Variants in CELF1 observed in about 807,000 individuals in gnomAD.
CELF1 encodes CUGBP Elav-like family member 1.
A neutral mutation model predicts 61.8 loss-of-function variants in CELF1; 10 were observed. The ratio of observed to expected loss-of-function variants is 0.16; its 90% confidence interval spans 0.10 to 0.27. The LOEUF (loss-of-function observed/expected upper bound fraction) is 0.27, where lower values mean the gene tolerates loss of function less well. Among genes scored for constraint, CELF1 ranks in the 10% least tolerant of loss-of-function variants. The probability of loss-of-function intolerance (pLI) is 1.00; values close to 1 mark genes in which losing one functional copy is unlikely to be tolerated. For missense variants in CELF1, 380 were observed against 639.1 expected, an observed-to-expected ratio of 0.59 and a Z score of 4.37; for synonymous variants, 236 against 225.1, an observed-to-expected ratio of 1.05 and a Z score of -0.43.
At chr11:47,520,286 T>C (rs2095816840) in intron 1 of CELF1, among the ~76,000 whole-genome samples, 1 of 152,342 alleles carries the variant, frequency 6.6e-6, no homozygotes. Context: ...ATTTTTGTGC[T>C]ATTTCATCAC....
At chr11:47,486,660 G>T in intron 6 of CELF1, 90 bp downstream of exon 6, 1 of 1,013,844 alleles carries the variant, frequency 9.9e-7, no homozygotes, top group Non-Finnish European at 1.6e-6. Context: ...CATCTGTCTT[G>T]GCCTCCCAAA....
chr11:47,552,820 CAGG>C (rs1285772519), intron 1 of CELF1, among the ~76,000 whole-genome samples, 169 bp downstream of exon 1: 1 of 152,186 alleles, frequency 6.6e-6, no homozygotes, highest in African/African-American at 2.4e-5. Context: ...CCCCGACATG[CAGG>C]AGGAGATCGC....
intron 1 of CELF1, among the ~76,000 whole-genome samples, chr11:47,511,661 T>A (rs968207145): frequency 3.9e-5 from 6 of 152,180 alleles, no homozygotes; most frequent in South Asian, 4.1e-4. Context: ...TTTGGGTGCT[T>A]TACATTTAAT....
At chr11:47,514,129 C>T (rs997749249) in intron 1 of CELF1, 1 of 152,024 alleles carries the variant, frequency 6.6e-6, no homozygotes, top group African/African-American at 2.4e-5. Context: ...AGGGTTTCGA[C>T]ATGTTGGCCA....
chr11:47,482,971 TCTC>T (rs1263415958), intron 8 of CELF1, 115 bp from the exon 9 acceptor site: 3 of 914,090 alleles, frequency 3.3e-6, no homozygotes, highest in Non-Finnish European at 4.9e-6. Context: ...GCCAAATGAT[TCTC>T]CTCATGATAG....
chr11:47,534,190 G>C (rs951415034), intron 1 of CELF1, among the ~76,000 whole-genome samples: 2 of 150,944 alleles, frequency 1.3e-5, no homozygotes, highest in African/African-American at 4.8e-5. Context: ...CACCATGCCC[G>C]GCTAATATTT....
chr11:47,548,937 T>G (rs1426420612), intron 1 of CELF1, among the ~76,000 whole-genome samples: 1 of 150,066 alleles, frequency 6.7e-6, no homozygotes, highest in East Asian at 1.9e-4. Context: ...ATCAAAAAAC[T>G]TGATTAAAAA....
At chr11:47,562,529 C>CAAAA (rs35621873) in intron 2 of CELF1, among the ~76,000 whole-genome samples, 5 of 91,044 alleles carry the variant, frequency 5.5e-5, no homozygotes, top group Admixed American at 1.4e-4. Context: ...AACTCTATCT[C>CAAAA]AAAAAAAAAA....
At chr11:47,558,781 AT>A (rs1010383888) in intron 2 of CELF1, among the ~76,000 whole-genome samples, 18 of 115,714 alleles carry the variant, frequency 1.6e-4, no homozygotes, top group Admixed American at 9.8e-4. Flanking sequence ...TATATATAAT[AT>A]ATATATAATA....
chr11:47,506,462 A>G (rs1172267658), intron 1 of CELF1, among the ~76,000 whole-genome samples: 1 of 152,122 alleles, frequency 6.6e-6, no homozygotes, highest in Non-Finnish European at 1.5e-5. Context: ...ATGTTTTAAG[A>G]AAGTTGATAA....
intron 1 of CELF1, among the ~76,000 whole-genome samples, chr11:47,501,891 T>C (rs990404879): frequency 6.6e-5 from 10 of 152,152 alleles, no homozygotes; most frequent in African/African-American, 1.9e-4. Flanking sequence ...TTCAAGGTTA[T>C]TGTGTTTTTA....
At chr11:47,553,629 G>A (rs1012776760), upstream of CELF1, among the ~76,000 whole-genome samples, 5 of 152,288 alleles carry the variant, frequency 3.3e-5, no homozygotes, top group African/African-American at 1.2e-4. Flanking sequence ...CAGCATCCAG[G>A]CCTTCCTTCT....
At chr11:47,508,481 C>T (rs1397353325) in intron 1 of CELF1, among the ~76,000 whole-genome samples, 2 of 150,334 alleles carry the variant, frequency 1.3e-5, no homozygotes, top group Non-Finnish European at 3.0e-5. Context: ...GGACAGGTAT[C>T]TTAAGTCCTG....
At chr11:47,555,726 G>A (rs964486980), upstream of CELF1, among the ~76,000 whole-genome samples, 2 of 152,038 alleles carry the variant, frequency 1.3e-5, no homozygotes, top group African/African-American at 4.8e-5. Context: ...AGCCAATGTC[G>A]GCCAGGCGCG....
At chr11:47,552,528 T>A (rs899992302) in intron 1 of CELF1, among the ~76,000 whole-genome samples, 5 of 152,114 alleles carry the variant, frequency 3.3e-5, no homozygotes, top group African/African-American at 1.2e-4. Context: ...AGCGCTGCCT[T>A]CTAGGGGCGC....
In CELF1 at chr11:47,547,817, GA is replaced by G. The variant is rs1327091756; in HGVS notation, c.-154+5174del. ...TGATTCCAGTTACATGAAATATCTA[GA>G]ATAAGAAAATTCACAGAAACAAAGA... is the stretch of plus-strand genomic sequence containing the variant. On this transcript the variant is annotated intron_variant, in intron 1 of 14. Coordinates refer to ENST00000687097, the MANE Select transcript of CELF1 (RefSeq NM_001376376.1). Among the ~76,000 whole-genome samples, 3 of 151,866 alleles carry G rather than the reference GA, an allele frequency of 2.0e-5. No homozygotes were observed. In the East Asian group the frequency reaches 5.8e-4, roughly 29 times the overall value.
intron 10 of CELF1, among the ~76,000 whole-genome samples, chr11:47,478,090 G>T (rs1435084577): frequency 6.6e-6 from 1 of 152,100 alleles, no homozygotes; most frequent in African/African-American, 2.4e-5. Flanking sequence ...GTGAGGGGTG[G>T]GGGGAGTGGA....
At chr11:47,486,988 GAA>G (rs1336981432) in intron 5 of CELF1, among the ~76,000 whole-genome samples, 169 bp downstream of exon 5, 1 of 152,180 alleles carries the variant, frequency 6.6e-6, no homozygotes, top group Non-Finnish European at 1.5e-5. Flanking sequence ...GACTGAGAGA[GAA>G]CTAATGTCAG....
In CELF1 at chr11:47,467,567, C is replaced by CCGCTTGGTGTGCAGATGGCCTCCTA. The variant is rs2076880780; in HGVS notation, c.*4638_*4662dup. On this transcript the variant is annotated 3_prime_UTR_variant, in exon 15 of 15. Transcript: ENST00000687097. ...AGGAAAAGCGCCAGCAGGTGAATTG[C>CCGCTTGGTGTGCAGATGGCCTCCTA]CGCTTGGTGTGCAGATGGCCTCCTA... is the stretch of plus-strand genomic sequence containing the variant. The CCGCTTGGTGTGCAGATGGCCTCCTA allele has an allele frequency of 6.6e-6, 1 of 152,374 alleles. No individual in the cohort carries two copies. Among genetic ancestry groups the CCGCTTGGTGTGCAGATGGCCTCCTA allele is most frequent in the South Asian group, 2.1e-4 (1 of 4,826 alleles). The allele number at this position is 152,374 out of a possible 1,614,324, so 9.4% of individuals were successfully genotyped here.
Sources: allele counts gnomAD v4.1 joint callset (sites outside exome capture counted in the v4.1 genomes callset), GRCh38; gene constraint gnomAD v4.1.1; transcripts MANE v1.5; gene names NCBI Gene and HGNC (gene_info 2026-07-23, HGNC 2026-07-21).